SYNE1: variants seen among roughly 807,000 people sequenced by gnomAD.
SYNE1 encodes the protein nesprin-1.
Under a neutral mutation model 1,111.0 loss-of-function variants are expected in SYNE1, and 616 were observed. The observed-to-expected ratio is 0.55, with a 90% CI of 0.52 to 0.59. SYNE1 has a LOEUF of 0.59. SYNE1 is among the 20% of genes least tolerant of loss of function. The pLI is 0.00. For missense variants in SYNE1, 10,006 were observed against 10,417.0 expected (o/e 0.96, Z 1.72); for synonymous variants, 3,855 against 3,825.8 (o/e 1.01, Z -0.28).
At chr6:152,450,857 T>C in intron 26 of SYNE1, 24 bp from the exon 27 acceptor site, 2 of 1,612,274 alleles carry the variant, frequency 1.2e-6, no homozygotes, top group Non-Finnish European at 1.7e-6. Context: ...AATGTTTTTA[T>C]AATCCCTGTG....
intron 3 of SYNE1, among the ~76,000 whole-genome samples, chr6:152,602,178 A>G (rs898857330): frequency 6.6e-6 from 1 of 152,152 alleles, no homozygotes; most frequent in Non-Finnish European, 1.5e-5. Context: ...TCATCTGTTG[A>G]AGTTCTAACC....
intron 3 of SYNE1, among the ~76,000 whole-genome samples, chr6:152,596,821 A>G (rs1026316619): frequency 6.6e-6 from 1 of 152,212 alleles, no homozygotes; most frequent in Non-Finnish European, 1.5e-5. Context: ...TTTGACAGTC[A>G]AATACATTTG....
At chr6:152,396,191 G>C (rs769815823) in intron 50 of SYNE1, among the ~76,000 whole-genome samples, 2 of 152,188 alleles carry the variant, frequency 1.3e-5, no homozygotes, top group Non-Finnish European at 2.9e-5. Context: ...TGTTTCTTAA[G>C]GGATTTTCAA....
chr6:152,342,548 T>C (rs1485672575), intron 74 of SYNE1, among the ~76,000 whole-genome samples: 1 of 152,250 alleles, frequency 6.6e-6, no homozygotes, highest in African/African-American at 2.4e-5. Flanking sequence ...GAAAGTATAC[T>C]TCGGGGGACA....
At chr6:152,275,507 T>C (rs2093553015) in intron 98 of SYNE1, among the ~76,000 whole-genome samples, 1 of 152,212 alleles carries the variant, frequency 6.6e-6, no homozygotes, top group South Asian at 2.1e-4. Context: ...TCTGGAATAG[T>C]TATTGTTTAA....
Position 152,317,023 on chromosome 6 carries a change from C to T in SYNE1, c.16573-37G>A, listed in dbSNP as rs188416672. 477 of 1,611,578 alleles carry T rather than the reference C, an allele frequency of 3.0e-4. 2 individuals carry two copies. In the Admixed American group the frequency reaches 7.4e-3, roughly 25 times the overall value. On this transcript the variant is annotated intron_variant, in intron 86 of 145. Transcript: ENST00000367255. ...GTAACATTAATGTAACAAATGTAAA[C>T]TCCTCAGTTTCTTGAGCTATAAATC... is the stretch of plus-strand genomic sequence containing the variant.
intron 56 of SYNE1, chr6:152,380,685 C>T: frequency 2.8e-6 from 1 of 359,538 alleles, no homozygotes; most frequent in Non-Finnish European, 5.2e-6. Flanking sequence ...CTATTTATGC[C>T]CCTGCCCACA....
chr6:152,636,181 A>G (rs1030965858), intron 2 of SYNE1, among the ~76,000 whole-genome samples: 44 of 152,068 alleles, frequency 2.9e-4, no homozygotes, highest in Non-Finnish European at 5.1e-4. Context: ...GCCTCCGCGC[A>G]GCCTTCAAGC....
intron 34 of SYNE1, among the ~76,000 whole-genome samples, chr6:152,432,166 A>G (rs1158680174): frequency 1.3e-5 from 2 of 152,200 alleles, no homozygotes; most frequent in Non-Finnish European, 2.9e-5. Context: ...ATTATAAGTT[A>G]GGAATAAGAA....
intron 3 of SYNE1, among the ~76,000 whole-genome samples, chr6:152,600,944 A>T (rs2099594699): frequency 6.6e-6 from 1 of 152,270 alleles, no homozygotes; most frequent in African/African-American, 2.4e-5. Context: ...CTGAACAAAC[A>T]GTTTCATCTT....
At chr6:152,279,024 C>T (rs2093834382) in intron 97 of SYNE1, among the ~76,000 whole-genome samples, 1 of 151,960 alleles carries the variant, frequency 6.6e-6, no homozygotes, top group Non-Finnish European at 1.5e-5. Context: ...CCCACCTCAG[C>T]CTTCCAAAAG....
chr6:152,418,511 C>T (rs2098201150), intron 40 of SYNE1, among the ~76,000 whole-genome samples: 1 of 152,154 alleles, frequency 6.6e-6, no homozygotes, highest in South Asian at 2.1e-4. Flanking sequence ...TACTATGTAG[C>T]TTATCTCCAT....
rs200030204 is a variant in SYNE1, at chr6:152,401,258, C to T, written c.6909G>A (p.Thr2303=). 1.7e-5 allele frequency: 28 copies of T among 1,613,990 alleles called. No individual in the cohort carries two copies. Among genetic ancestry groups the T allele is most frequent in the East Asian group, 8.9e-5 (4 of 44,886 alleles). ...ACTTCTCCACTTGTGTACTTTGAGC[C>T]GTGAAATCCTTCAGGGTTCCTTTTG... is the stretch of plus-strand genomic sequence containing the variant. ...EVAKGTLKDF[T]AQSTQVEKFI... is the part of the protein sequence containing the mutation. Residue 2303 remains threonine, a synonymous_variant, in exon 47 of 146, where the codon ACG becomes ACA. Coordinates refer to ENST00000367255, the MANE Select transcript of SYNE1 (RefSeq NM_182961.4).
chr6:152,379,979 T>C (rs1392515905), intron 56 of SYNE1, among the ~76,000 whole-genome samples: 1 of 152,230 alleles, frequency 6.6e-6, no homozygotes, highest in Non-Finnish European at 1.5e-5. Flanking sequence ...GTAGAGCAAT[T>C]ATCAACTTCT....
intron 3 of SYNE1, among the ~76,000 whole-genome samples, chr6:152,625,952 C>T (rs922826406): frequency 5.9e-5 from 9 of 152,270 alleles, no homozygotes; most frequent in Admixed American, 2.0e-4. Flanking sequence ...GAGCAATCCA[C>T]ATTTTGCAAA....
intron 98 of SYNE1, among the ~76,000 whole-genome samples, chr6:152,275,880 C>CAA (rs756837860): frequency 8.0e-5 from 7 of 86,964 alleles, no homozygotes; most frequent in Non-Finnish European, 1.4e-4. Flanking sequence ...GACCCTGTCT[C>CAA]AAAAAAAAAA....
intron 10 of SYNE1, among the ~76,000 whole-genome samples, chr6:152,501,256 A>C (rs1265803759): frequency 6.6e-6 from 1 of 152,126 alleles, no homozygotes; most frequent in Non-Finnish European, 1.5e-5. Flanking sequence ...AAATATTAAA[A>C]GAATGGTCAT....
In SYNE1 at chr6:152,334,354, C is replaced by T. The variant is rs565983459; in HGVS notation, c.12529-81G>A. The T allele has an allele frequency of 2.4e-4, 347 of 1,468,694 alleles. 9 individuals are homozygous for T. In the South Asian group the frequency reaches 4.0e-3, roughly 17 times the overall value. The allele number at this position is 1,468,694 out of a possible 1,614,324, so 91.0% of individuals were successfully genotyped here. On this transcript the variant is annotated intron_variant, in intron 76 of 145. Transcript: ENST00000367255. ...TATAGAGAGCAACACAGACATAAGACCTTTAAACACTCTAAGTTCCTTAAT... is the reference window on the plus strand; with the variant it reads ...TATAGAGAGCAACACAGACATAAGATCTTTAAACACTCTAAGTTCCTTAAT...
intron 3 of SYNE1, among the ~76,000 whole-genome samples, chr6:152,551,137 A>G (rs9397523): frequency 4.5e-4 from 69 of 152,004 alleles, no homozygotes; most frequent in Non-Finnish European, 6.8e-4. Flanking sequence ...CAATGATCGG[A>G]TAGTAAAGTA....
Sources: allele counts gnomAD v4.1 joint callset (sites outside exome capture counted in the v4.1 genomes callset), GRCh38; gene constraint gnomAD v4.1.1; transcripts MANE v1.5; gene names NCBI Gene and HGNC (gene_info 2026-07-23, HGNC 2026-07-21).